Variants in PPAT observed in about 807,000 individuals in gnomAD.
The protein encoded by PPAT is amidophosphoribosyltransferase.
Under a neutral mutation model 60.2 loss-of-function variants are expected in PPAT, and 20 were observed. The observed-to-expected ratio is 0.33, with a 90% CI of 0.23 to 0.48. The LOEUF is 0.48. Ranked by LOEUF, PPAT falls within the 20% of genes least tolerant of loss-of-function variation. The pLI, the probability that PPAT is intolerant of heterozygous loss-of-function variation, is 0.99. For missense variants in PPAT, 349 were observed against 629.6 expected (o/e 0.55, Z 4.77); for synonymous variants, 194 against 215.1 (o/e 0.90, Z 0.86).
At chr4:56,426,447 G>C (rs971695955) in intron 1 of PPAT, among the ~76,000 whole-genome samples, 2 of 151,590 alleles carry the variant, frequency 1.3e-5, no homozygotes, top group African/African-American at 4.8e-5. Context: ...TAGTTTAACT[G>C]CTTGACCACA....
intron 3 of PPAT, among the ~76,000 whole-genome samples, chr4:56,405,761 G>A (rs890523330): frequency 1.3e-5 from 2 of 152,172 alleles, no homozygotes; most frequent in Admixed American, 6.5e-5. Context: ...CTGTTCTTCT[G>A]TAGCCTTTGT....
chr4:56,413,614 G>T (rs1716576961), intron 1 of PPAT, among the ~76,000 whole-genome samples: 1 of 152,132 alleles, frequency 6.6e-6, no homozygotes, highest in Admixed American at 6.5e-5. Flanking sequence ...TAATGATTTA[G>T]GCCAGGCATG....
intron 1 of PPAT, among the ~76,000 whole-genome samples, chr4:56,429,698 G>A (rs184457571): frequency 2.1e-3 from 321 of 152,204 alleles, no homozygotes; most frequent in African/African-American, 7.5e-3. Flanking sequence ...AAATTGAAGA[G>A]TAAAACAAAA....
At chr4:56,426,824 A>G (rs1717315123) in intron 1 of PPAT, among the ~76,000 whole-genome samples, 1 of 152,196 alleles carries the variant, frequency 6.6e-6, no homozygotes. Flanking sequence ...TTGTGCAAAC[A>G]TCACCACTCT....
chr4:56,395,168 T>C lies in PPAT; in HGVS notation c.*184A>G. 1 of 544,930 alleles carries C rather than the reference T, an allele frequency of 1.8e-6. No individual in the cohort carries two copies. Among genetic ancestry groups the C allele is most frequent in the South Asian group, 2.7e-5 (1 of 36,714 alleles). 33.8% of individuals were successfully genotyped at this position (544,930 alleles called of 1,614,324 possible). On this transcript the variant is annotated 3_prime_UTR_variant, in exon 11 of 11. Transcript: ENST00000264220. ...CACATATTGTTGTATTATATGCAAT[T>C]GGAAATGTTCAGTTATCGCACTTTG...
chr4:56,395,605 C>T (rs562778842), intron 10 of PPAT, 57 bp from the exon 11 acceptor site: 145 of 1,265,114 alleles, frequency 1.1e-4, no homozygotes, highest in African/African-American at 7.7e-4. Context: ...AAGGAAGAAA[C>T]GCGTCAACAG....
intron 1 of PPAT, chr4:56,428,875 T>G (rs1334471262): frequency 1.7e-5 from 6 of 343,396 alleles, no homozygotes; most frequent in African/African-American, 4.4e-5. Context: ...CCTGAATGCT[T>G]GAAAACCATT....
intron 1 of PPAT, among the ~76,000 whole-genome samples, chr4:56,433,699 G>GTT (rs35741626): frequency 0.022 from 3,058 of 141,376 alleles, 90 homozygotes; most frequent in African/African-American, 0.067. Flanking sequence ...AATAACAACT[G>GTT]TTTTTTTTTT....
At chr4:56,399,524 G>A in intron 8 of PPAT, 124 bp from the exon 9 acceptor site, 13 of 790,184 alleles carry the variant, frequency 1.6e-5, no homozygotes, top group African/African-American at 3.5e-5. Context: ...TTTATTATTT[G>A]GAAAAAAGGC....
At chr4:56,404,574 G>A (rs1333638846) in intron 3 of PPAT, among the ~76,000 whole-genome samples, 3 of 145,106 alleles carry the variant, frequency 2.1e-5, no homozygotes, top group Admixed American at 7.4e-5. Flanking sequence ...TAAAGATAAA[G>A]TTTAGCATCT....
At chr4:56,413,046 A>G (rs916888641) in intron 1 of PPAT, among the ~76,000 whole-genome samples, 3 of 152,172 alleles carry the variant, frequency 2.0e-5, no homozygotes, top group African/African-American at 7.2e-5. Context: ...TGCAATTAAT[A>G]CCTTTTGTCC....
intron 1 of PPAT, among the ~76,000 whole-genome samples, chr4:56,415,162 A>G (rs1008279323): frequency 3.3e-5 from 5 of 152,216 alleles, no homozygotes; most frequent in African/African-American, 1.2e-4. Context: ...CACACCTAAA[A>G]GTTGATATAT....
intron 1 of PPAT, among the ~76,000 whole-genome samples, chr4:56,409,559 T>C (rs2110042773): frequency 6.6e-6 from 1 of 152,300 alleles, no homozygotes; most frequent in South Asian, 2.1e-4. Flanking sequence ...TAAGTGGTGA[T>C]ACAGAGAAAA....
intron 1 of PPAT, chr4:56,422,465 GGTTT>G (rs1717086180): frequency 1.0e-5 from 1 of 96,836 alleles, no homozygotes; most frequent in South Asian, 4.3e-4. Flanking sequence ...ATAATATTCT[GGTTT>G]TTTTTTTTTG....
chr4:56,399,154 T>C (rs751627770), intron 9 of PPAT, 25 bp downstream of exon 9: 9 of 1,563,402 alleles, frequency 5.8e-6, no homozygotes, highest in Middle Eastern at 3.4e-4. Context: ...ACTTATGCTT[T>C]AGGATATGTT....
At chr4:56,397,740 T>G (rs1347602179) in intron 9 of PPAT, among the ~76,000 whole-genome samples, 2 of 152,038 alleles carry the variant, frequency 1.3e-5, no homozygotes, top group African/African-American at 4.8e-5. Context: ...AAAAAAAATT[T>G]TTTTCAAGAC....
In PPAT at chr4:56,435,430, C is replaced by T. The variant is rs1717854924; in HGVS notation, c.48G>A (p.Gly16=). Reference sequence around the variant, plus strand: ...TGGGCCACTCTCCTGAGGCGATGCACCCGAACACGCCACATTCCTCTCGGA... The same window carrying T: ...TGGGCCACTCTCCTGAGGCGATGCATCCGAACACGCCACATTCCTCTCGGA... ...LGIREECGVF[G]CIASGEWPTQ... is the part of the protein sequence containing the mutation. Residue 16 remains glycine (G), a synonymous_variant, in exon 1 of 11, where the codon GGG becomes GGA. Coordinates refer to ENST00000264220, the MANE Select transcript of PPAT (RefSeq NM_002703.5). The T allele has an allele frequency of 6.2e-7, 1 of 1,613,924 alleles. No homozygotes were observed. The highest frequency in any genetic ancestry group is 1.3e-5 in the African/African-American group (1 of 75,034).
intron 5 of PPAT, among the ~76,000 whole-genome samples, 184 bp downstream of exon 5, chr4:56,402,856 G>A (rs77790148): frequency 5.9e-5 from 8 of 136,306 alleles, no homozygotes; most frequent in Non-Finnish European, 9.4e-5. Flanking sequence ...AAAGGGGGGG[G>A]ACTCATCCTC....
intron 1 of PPAT, 94 bp downstream of exon 1, chr4:56,435,256 C>T (rs113616835): frequency 8.3e-6 from 13 of 1,566,154 alleles, no homozygotes; most frequent in African/African-American, 4.0e-5. Flanking sequence ...GTCGGTCCTC[C>T]CGGGCCCTCG....
Sources: gnomAD v4.1 joint callset for allele counts (sites outside exome capture counted in the v4.1 genomes callset) on GRCh38, gnomAD v4.1.1 for gene constraint, MANE v1.5 for transcripts, NCBI Gene and HGNC (gene_info 2026-07-23, HGNC 2026-07-21) for gene names.